DOK6: variants seen among roughly 807,000 people sequenced by gnomAD.
The protein encoded by DOK6 is docking protein 6, also known as downstream of tyrosine kinase 6.
In DOK6, 22 loss-of-function variants were observed where a neutral mutation model predicts 44.0. The ratio of observed to expected loss-of-function variants is 0.50; its 90% CI spans 0.36 to 0.71. The LOEUF (loss-of-function observed/expected upper bound fraction) is 0.71. Among genes scored for constraint, DOK6 ranks in the 30% least tolerant of loss-of-function variants. The pLI is 0.00. For missense variants in DOK6, 340 were observed against 416.4 expected, an observed-to-expected ratio of 0.82 and a Z score of 1.60; for synonymous variants, 166 against 145.5, an observed-to-expected ratio of 1.14 and a Z score of -1.01.
chr18:69,631,860 T>G (rs1349889380), intron 3 of DOK6, among the ~76,000 whole-genome samples: 3 of 152,204 alleles, frequency 2.0e-5, no homozygotes, highest in Non-Finnish European at 2.9e-5. Context: ...GAAAATACAT[T>G]TGTTTATGTA....
intron 1 of DOK6, among the ~76,000 whole-genome samples, chr18:69,487,929 A>G (rs1980629077): frequency 6.6e-6 from 1 of 152,130 alleles, no homozygotes. Context: ...AACAGCCTTG[A>G]TGTTCCACTC....
At chr18:69,666,638 G>A (rs1985666869) in intron 3 of DOK6, among the ~76,000 whole-genome samples, 1 of 152,116 alleles carries the variant, frequency 6.6e-6, no homozygotes, top group East Asian at 1.9e-4. Context: ...CCTATTTATG[G>A]TGTTTTCCAC....
chr18:69,420,584 T>G (rs1015122702), intron 1 of DOK6, among the ~76,000 whole-genome samples: 39 of 152,200 alleles, frequency 2.6e-4, no homozygotes, highest in Non-Finnish European at 5.0e-4. Context: ...GTTGGTGTGC[T>G]GCACCCATTA....
intron 1 of DOK6, among the ~76,000 whole-genome samples, chr18:69,483,321 A>G (rs1043953642): frequency 2.6e-5 from 4 of 152,026 alleles, no homozygotes; most frequent in African/African-American, 9.7e-5. Context: ...TAGTATTCCT[A>G]TACACCAACA....
chr18:69,650,890 A>G (rs1488231551), intron 3 of DOK6, among the ~76,000 whole-genome samples: 3 of 152,206 alleles, frequency 2.0e-5, no homozygotes, highest in Non-Finnish European at 4.4e-5. Context: ...TTTCTTTGGT[A>G]TAATAGCCTG....
At chr18:69,444,153 G>A (rs1318965141) in intron 1 of DOK6, among the ~76,000 whole-genome samples, 2 of 152,104 alleles carry the variant, frequency 1.3e-5, no homozygotes, top group Non-Finnish European at 2.9e-5. Context: ...AAATGACTTC[G>A]AGGAAATGGC....
At chr18:69,586,958 C>G (rs1202251205) in intron 2 of DOK6, among the ~76,000 whole-genome samples, 1 of 152,114 alleles carries the variant, frequency 6.6e-6, no homozygotes, top group Non-Finnish European at 1.5e-5. Context: ...ATATTTAATG[C>G]CTTCAGGTGA....
intron 1 of DOK6, among the ~76,000 whole-genome samples, chr18:69,477,384 T>C (rs1420389877): frequency 6.6e-6 from 1 of 152,140 alleles, no homozygotes; most frequent in African/African-American, 2.4e-5. Context: ...GATCAAAAAG[T>C]GTATGTTTTA....
intron 5 of DOK6, among the ~76,000 whole-genome samples, chr18:69,723,571 C>T (rs1978292973): frequency 6.6e-6 from 1 of 152,132 alleles, no homozygotes; most frequent in Non-Finnish European, 1.5e-5. Flanking sequence ...AATGCAACAC[C>T]ATTGGGGAAG....
At chr18:69,825,927 C>T (rs1981728363) in intron 7 of DOK6, among the ~76,000 whole-genome samples, 4 of 150,726 alleles carry the variant, frequency 2.7e-5, no homozygotes, top group African/African-American at 4.9e-5. Flanking sequence ...TGCACCTTTG[C>T]CTGTAAAATA....
At chr18:69,550,224 G>A (rs1263237600) in intron 1 of DOK6, among the ~76,000 whole-genome samples, 1 of 151,906 alleles carries the variant, frequency 6.6e-6, no homozygotes, top group Admixed American at 6.6e-5. Context: ...ATCATTTTTA[G>A]GTATATCTAA....
chr18:69,828,882 G>GTATATATATATATATATATATATA (rs1475499795), intron 7 of DOK6, among the ~76,000 whole-genome samples: 348 of 25,102 alleles, frequency 0.014, 15 homozygotes, highest in Non-Finnish European at 0.044. Context: ...ATACATTTAT[G>GTATATATATATATATATATATATA]TGTATATATA....
At chr18:69,620,400 T>A (rs1984412994) in intron 3 of DOK6, among the ~76,000 whole-genome samples, 1 of 152,190 alleles carries the variant, frequency 6.6e-6, no homozygotes, top group Non-Finnish European at 1.5e-5. Flanking sequence ...AATATGTCAA[T>A]TCACTCAAAG....
rs1176332454 is a variant in DOK6, at chr18:69,819,869, T to C, written c.857-21375T>C. On this transcript the variant is annotated intron_variant, in intron 7 of 7. Coordinates refer to ENST00000382713, the MANE Select transcript of DOK6 (RefSeq NM_152721.6). Reference sequence around the variant, plus strand: ...AATGTTTTGGCTTCCCTAGGCCACATTGGAAGAAGAATAATTGTTTTGGGT... The same window carrying C: ...AATGTTTTGGCTTCCCTAGGCCACACTGGAAGAAGAATAATTGTTTTGGGT... Among the ~76,000 whole-genome samples, 6 of 152,278 alleles carry C rather than the reference T, an allele frequency of 3.9e-5. No individual in the cohort carries two copies. The East Asian group carries it at 5.8e-4, about 15-fold the overall frequency.
chr18:69,729,583 G>A (rs1978340308), intron 5 of DOK6, among the ~76,000 whole-genome samples: 1 of 152,036 alleles, frequency 6.6e-6, no homozygotes, highest in Non-Finnish European at 1.5e-5. Context: ...CCCAAAATGA[G>A]GTAGATGGGC....
At chr18:69,543,367 A>G (rs753620677) in intron 1 of DOK6, among the ~76,000 whole-genome samples, 2 of 151,674 alleles carry the variant, frequency 1.3e-5, no homozygotes, top group Non-Finnish European at 1.5e-5. Context: ...GTGAGAAGCG[A>G]TAAGTATGAG....
chr18:69,717,034 G>A (rs145342426), intron 5 of DOK6, among the ~76,000 whole-genome samples: 141 of 152,198 alleles, frequency 9.3e-4, no homozygotes, highest in Middle Eastern at 3.4e-3. Flanking sequence ...ATTGTCATAT[G>A]AATATACTAT....
At chr18:69,677,660 C>G (rs978452392) in intron 3 of DOK6, 74 bp from the exon 4 acceptor site, 49 of 1,601,366 alleles carry the variant, frequency 3.1e-5, no homozygotes, top group Non-Finnish European at 4.2e-5. Flanking sequence ...CCTGGGAAAA[C>G]AGTTAAGGAA....
At chr18:69,570,114 T>C (rs1265967191) in intron 2 of DOK6, among the ~76,000 whole-genome samples, 1 of 151,634 alleles carries the variant, frequency 6.6e-6, no homozygotes, top group Non-Finnish European at 1.5e-5. Context: ...ACCTGAGTGA[T>C]GAAATAATCT....
Sources: gnomAD v4.1 joint callset for allele counts (sites outside exome capture counted in the v4.1 genomes callset) on GRCh38, gnomAD v4.1.1 for gene constraint, MANE v1.5 for transcripts, NCBI Gene and HGNC (gene_info 2026-07-23, HGNC 2026-07-21) for gene names.